FANCA: variants seen among roughly 807,000 people sequenced by gnomAD.
FANCA encodes the protein Fanconi anemia group A protein.
FANCA carries 236 observed loss-of-function variants against 194.3 expected under a neutral mutation model. The observed-to-expected ratio is 1.21, with a 90% CI of 1.09 to 1.35. The LOEUF (loss-of-function observed/expected upper bound fraction) is 1.35. Among genes scored for constraint, FANCA ranks in the 40% most tolerant of loss-of-function variants. FANCA has a pLI of 0.00. For synonymous variants in FANCA, 1,014 were observed against 715.8 expected, an observed-to-expected ratio of 1.42 and a Z score of -6.65; for missense variants, 2,628 against 1,813.9, an observed-to-expected ratio of 1.45 and a Z score of -8.15.
At chr16:89,813,563 G>A (rs895042029) in intron 3 of FANCA, among the ~76,000 whole-genome samples, 12 of 152,068 alleles carry the variant, frequency 7.9e-5, no homozygotes, top group African/African-American at 1.2e-4. Flanking sequence ...CTCCTGAATA[G>A]CTGGGACTAC....
At chr16:89,780,058 C>G (rs2039648737) in intron 17 of FANCA, 101 bp from the exon 18 acceptor site, 1 of 1,064,882 alleles carries the variant, frequency 9.4e-7, no homozygotes, top group Non-Finnish European at 1.4e-6. Context: ...TGTTGAAAGG[C>G]TCTGTACACA....
intron 37 of FANCA, among the ~76,000 whole-genome samples, chr16:89,742,519 C>A (rs998876615): frequency 6.6e-6 from 1 of 152,006 alleles, no homozygotes; most frequent in Non-Finnish European, 1.5e-5. Flanking sequence ...CAAAGTCTTA[C>A]TCCAAGCCAG....
At chr16:89,774,463 G>A (rs1459068141) in intron 21 of FANCA, among the ~76,000 whole-genome samples, 2 of 152,080 alleles carry the variant, frequency 1.3e-5, no homozygotes, top group African/African-American at 2.4e-5. Context: ...GGGCATGGGG[G>A]CTCCCACCTG....
intron 32 of FANCA, among the ~76,000 whole-genome samples, chr16:89,749,195 T>C (rs2038494974): frequency 6.6e-6 from 1 of 152,030 alleles, no homozygotes; most frequent in South Asian, 2.1e-4. Context: ...GCGACGTCCC[T>C]CCACGTCTGA....
chr16:89,759,459 G>C (rs1031432139), intron 29 of FANCA, among the ~76,000 whole-genome samples: 1 of 151,714 alleles, frequency 6.6e-6, no homozygotes, highest in Non-Finnish European at 1.5e-5. Flanking sequence ...CGGATGGGAA[G>C]GGGCTCAAGG....
At chr16:89,760,095 A>C (rs912895649) in intron 29 of FANCA, among the ~76,000 whole-genome samples, 1 of 152,234 alleles carries the variant, frequency 6.6e-6, no homozygotes, top group African/African-American at 2.4e-5. Context: ...TTCAGAAAAG[A>C]AAGAAAATCC....
rs2040857662 is a variant in FANCA, at chr16:89,810,991, C to T, written c.364G>A (p.Gly122Arg). The T allele has an allele frequency of 1.2e-6, 2 of 1,614,026 alleles. No homozygotes were observed. Among genetic ancestry groups the T allele is most frequent in the Non-Finnish European group, 1.7e-6 (2 of 1,180,024 alleles). Reference sequence around the variant, plus strand: ...TCCGCTGGAGCCGTGCAGATCTGTCCCACGCTAGAGGCAACCATCCCGGCT... The same window carrying T: ...TCCGCTGGAGCCGTGCAGATCTGTCTCACGCTAGAGGCAACCATCCCGGCT... ...LSAGMVASSVGQICTAPAETS... is the reference protein window; with the variant it reads ...LSAGMVASSVRQICTAPAETS... Residue 122 changes from glycine (G) to arginine (R), a missense_variant, in exon 4 of 43, where the codon GGA (glycine) becomes AGA (arginine). By Grantham distance (125) the Gly-to-Arg change is moderately radical (BLOSUM62 -2). Coordinates refer to ENST00000389301, the MANE Select transcript of FANCA (RefSeq NM_000135.4).
chr16:89,757,012 T>A (rs1414898833), intron 30 of FANCA, among the ~76,000 whole-genome samples: 1 of 152,180 alleles, frequency 6.6e-6, no homozygotes, highest in African/African-American at 2.4e-5. Flanking sequence ...GGAGTCTCAC[T>A]CTGTCACACA....
In FANCA at chr16:89,740,020, A is replaced by C. The variant is rs1598055304; in HGVS notation, c.3908T>G (p.Leu1303Arg). 2 of 1,614,064 alleles carry C rather than the reference A, an allele frequency of 1.2e-6. No homozygotes were observed. Among genetic ancestry groups the C allele is most frequent in the African/African-American group, 2.7e-5 (2 of 74,916 alleles). Residue 1303 changes from leucine (L) to arginine (R), a missense_variant, in exon 39 of 43, where the codon CTG (leucine) becomes CGG (arginine). Physicochemically the swap from Leu to Arg is moderately radical, Grantham distance 102. Transcript: ENST00000389301. ...ACTCTCTGTCAACTGAAAGAGTGCC[A>C]GCCAGGATATCTTCCTCTTCTCTAA... Reference protein sequence around the residue: ...ECLEKRKISWLALFQLTESDL... With the variant: ...ECLEKRKISWRALFQLTESDL...
rs35611562 is a variant in FANCA at position 89,745,221 on chromosome 16, C to T, written c.3514-150G>A. 8.6e-3 allele frequency: 6,389 copies of T among 744,638 alleles called. 289 individuals carry two copies. The African/African-American group carries it at 0.098, about 11-fold the overall frequency. 46.1% of individuals were successfully genotyped at this position (744,638 alleles called of 1,614,324 possible). Reference sequence around the variant, plus strand: ...GGAACTCCAAAGCCAGTATTTTTTACGTCAATTAAGGCTCAAAGCAGTTCC... The same window carrying T: ...GGAACTCCAAAGCCAGTATTTTTTATGTCAATTAAGGCTCAAAGCAGTTCC... On this transcript the variant is annotated intron_variant, in intron 35 of 42. Coordinates refer to ENST00000389301, the MANE Select transcript of FANCA (RefSeq NM_000135.4).
At chr16:89,813,027 C>A (rs1040802267) in intron 3 of FANCA, among the ~76,000 whole-genome samples, 4 of 105,636 alleles carry the variant, frequency 3.8e-5, no homozygotes, top group Non-Finnish European at 5.4e-5. Flanking sequence ...AGCAACACTT[C>A]GTCTCAAAAA....
At chr16:89,765,723 C>T (rs1436725315) in intron 27 of FANCA, among the ~76,000 whole-genome samples, 1 of 152,250 alleles carries the variant, frequency 6.6e-6, no homozygotes, top group Non-Finnish European at 1.5e-5. Context: ...ATGTTTATAA[C>T]CAGCCTGCTC....
rs746081933 is a variant in FANCA at position 89,738,712 on chromosome 16, TGAGA to T, written c.4261-8_4261-5del. ...AGTCCCCACGATCAGCCAGCAGCTGTGAGAGAGGAGCAGGTCCTCAGCCCATGCC... is the reference window on the plus strand; with the variant it reads ...AGTCCCCACGATCAGCCAGCAGCTGTGAGGAGCAGGTCCTCAGCCCATGCC... On this transcript the variant is annotated splice_polypyrimidine_tract_variant and splice_region_variant and intron_variant, in intron 42 of 42. Transcript: ENST00000389301. 6.8e-6 allele frequency: 11 copies of T among 1,613,794 alleles called. No individual in the cohort carries two copies. The highest frequency in any genetic ancestry group is 5.1e-6 in the Non-Finnish European group (6 of 1,179,912).
chr16:89,779,059 C>A, intron 18 of FANCA, 56 bp from the exon 19 acceptor site: 1 of 1,545,060 alleles, frequency 6.5e-7, no homozygotes. Flanking sequence ...AGGCAATTCC[C>A]ACAGACGGTG....
At chr16:89,753,301 G>T (rs188033087) in intron 30 of FANCA, among the ~76,000 whole-genome samples, 98 of 152,208 alleles carry the variant, frequency 6.4e-4, no homozygotes, top group Non-Finnish European at 5.9e-4. Context: ...AGCGCAGCCC[G>T]ACACTCGGGG....
In FANCA at chr16:89,810,987, T is replaced by C. The variant is rs988689175; in HGVS notation, c.368A>G (p.Gln123Arg). 3.2e-5 allele frequency: 51 copies of C among 1,614,000 alleles called. No homozygotes were observed. Among genetic ancestry groups the C allele is most frequent in the Non-Finnish European group, 4.3e-5 (51 of 1,180,046 alleles). ...GGTCTCCGCTGGAGCCGTGCAGATC[T>C]GTCCCACGCTAGAGGCAACCATCCC... is the stretch of plus-strand genomic sequence containing the variant. ...SAGMVASSVGQICTAPAETSH... is the reference protein window; with the variant it reads ...SAGMVASSVGRICTAPAETSH... Residue 123 changes from glutamine (Q) to arginine (R), a missense_variant, in exon 4 of 43, where the codon CAG (glutamine) becomes CGG (arginine). Physicochemically the swap from Gln to Arg is conservative, Grantham distance 43. Coordinates refer to ENST00000389301, the MANE Select transcript of FANCA (RefSeq NM_000135.4).
At chr16:89,757,127 T>C (rs1295207338) in intron 30 of FANCA, among the ~76,000 whole-genome samples, 1 of 151,916 alleles carries the variant, frequency 6.6e-6, no homozygotes, top group Admixed American at 6.6e-5. Context: ...AGGCACACAC[T>C]ACCATGCCTG....
intron 7 of FANCA, among the ~76,000 whole-genome samples, chr16:89,804,381 C>T (rs879689466): frequency 6.6e-6 from 1 of 152,140 alleles, no homozygotes; most frequent in East Asian, 1.9e-4. Flanking sequence ...GGCAAAGAGC[C>T]AGAAAACGAG....
At chr16:89,764,099 G>A (rs1057436583) in intron 28 of FANCA, among the ~76,000 whole-genome samples, 6 of 144,474 alleles carry the variant, frequency 4.2e-5, no homozygotes, top group African/African-American at 1.0e-4. Flanking sequence ...AAAATTAGTC[G>A]GGCGTGGTGG....
Sources: allele counts gnomAD v4.1 joint callset (sites outside exome capture counted in the v4.1 genomes callset), GRCh38; gene constraint gnomAD v4.1.1; transcripts MANE v1.5; gene names NCBI Gene and HGNC (gene_info 2026-07-23, HGNC 2026-07-21).